SEMA3A: variants seen among roughly 807,000 people sequenced by gnomAD.
SEMA3A encodes semaphorin-3A.
Under a neutral mutation model 97.9 loss-of-function variants are expected in SEMA3A, and 29 were observed. The ratio of observed to expected loss-of-function variants is 0.30; its 90% CI spans 0.22 to 0.40. The LOEUF (loss-of-function observed/expected upper bound fraction) is 0.40, where lower values mean the gene tolerates loss of function less well. SEMA3A is among the 10% of genes least tolerant of loss of function. The pLI, the probability that SEMA3A is intolerant of heterozygous loss-of-function variation, is 1.00. For missense variants in SEMA3A, 763 were observed against 951.3 expected, an observed-to-expected ratio of 0.80 and a Z score of 2.60; for synonymous variants, 321 against 323.7, an observed-to-expected ratio of 0.99 and a Z score of 0.09.
chr7:84,461,831 T>C (rs1290540332), intron 1 of SEMA3A, among the ~76,000 whole-genome samples: 2 of 152,180 alleles, frequency 1.3e-5, no homozygotes, highest in East Asian at 3.8e-4. Context: ...TCTATTCTTC[T>C]CTGAATCTTA....
intron 12 of SEMA3A, among the ~76,000 whole-genome samples, chr7:83,988,322 G>A (rs1479698188): frequency 6.6e-6 from 1 of 151,820 alleles, no homozygotes; most frequent in African/African-American, 2.4e-5. Context: ...TGCCCCTCGG[G>A]TTCATGCCAT....
chr7:84,308,898 A>G (rs1801238090), intron 2 of SEMA3A, among the ~76,000 whole-genome samples: 1 of 150,840 alleles, frequency 6.6e-6, no homozygotes, highest in Non-Finnish European at 1.5e-5. Flanking sequence ...GCTCACTGCA[A>G]TCTCCGCCTC....
At chr7:84,334,887 C>T (rs947038639) in intron 2 of SEMA3A, among the ~76,000 whole-genome samples, 13 of 151,116 alleles carry the variant, frequency 8.6e-5, no homozygotes, top group East Asian at 3.9e-4. Context: ...CTAAGTCCCA[C>T]GCCTCATTTT....
At chr7:84,481,564 A>G in intron 1 of SEMA3A, among the ~76,000 whole-genome samples, 1 of 152,342 alleles carries the variant, frequency 6.6e-6, no homozygotes, top group East Asian at 1.9e-4. Context: ...TGATTTCAAA[A>G]GGAATATGAA....
chr7:84,259,534 A>C lies in SEMA3A; in HGVS notation c.-83+47673T>G, dbSNP rs563142060. On this transcript the variant is annotated intron_variant, in intron 3 of 3. Transcript: ENST00000424555. ...GGAGAAAGGGTTACTTGAATATACA[A>C]CTGAGAAAAAAAGGAAAACATGAAA... 9.2e-5 allele frequency among the ~76,000 whole-genome samples: 14 copies of C among 152,200 alleles called. No homozygotes were observed. The East Asian group carries it at 1.4e-3, about 15-fold the overall frequency.
chr7:84,263,730 G>C (rs1463032649), intron 3 of SEMA3A, among the ~76,000 whole-genome samples: 3 of 152,090 alleles, frequency 2.0e-5, no homozygotes, highest in African/African-American at 7.2e-5. Flanking sequence ...TCAGTTTTTG[G>C]AGTATTTGAA....
At chr7:84,131,442 C>G (rs1584011483) in intron 2 of SEMA3A, among the ~76,000 whole-genome samples, 2 of 152,162 alleles carry the variant, frequency 1.3e-5, no homozygotes, top group East Asian at 3.9e-4. Flanking sequence ...CACTTCCACT[C>G]ATGGCAGGCC....
intron 1 of SEMA3A, among the ~76,000 whole-genome samples, chr7:84,167,258 G>C (rs1192429841): frequency 6.6e-6 from 1 of 152,128 alleles, no homozygotes. Flanking sequence ...GTTGAATAAA[G>C]CTCGAAGTCA....
At chr7:84,008,884 C>G (rs535316936) in intron 9 of SEMA3A, among the ~76,000 whole-genome samples, 1 of 152,230 alleles carries the variant, frequency 6.6e-6, no homozygotes, top group Non-Finnish European at 1.5e-5. Flanking sequence ...TTAGTGCATA[C>G]TTGATACATC....
chr7:84,478,137 T>G (rs1324644761), intron 1 of SEMA3A, among the ~76,000 whole-genome samples: 1 of 152,164 alleles, frequency 6.6e-6, no homozygotes, highest in Non-Finnish European at 1.5e-5. Flanking sequence ...TGCCCTCAGT[T>G]GCTCACACCT....
intron 6 of SEMA3A, among the ~76,000 whole-genome samples, chr7:84,023,562 C>T (rs1020782244): frequency 1.3e-5 from 2 of 152,112 alleles, no homozygotes; most frequent in Non-Finnish European, 2.9e-5. Context: ...AATTTCATAA[C>T]ACGAACCACT....
chr7:84,245,800 G>A (rs1276095020), intron 3 of SEMA3A, among the ~76,000 whole-genome samples: 1 of 152,012 alleles, frequency 6.6e-6, no homozygotes, highest in Non-Finnish European at 1.5e-5. Context: ...ACCCCTGCTG[G>A]GAGGTATCTC....
chr7:83,956,676 C>A lies in SEMA3A; in HGVS notation c.*4695G>T, dbSNP rs1053206033. 1 of 152,056 alleles carries A rather than the reference C, an allele frequency of 6.6e-6. No individual in the cohort carries two copies. Among genetic ancestry groups the A allele is most frequent in the Non-Finnish European group, 1.5e-5 (1 of 67,992 alleles). 9.4% of individuals were successfully genotyped at this position (152,056 alleles called of 1,614,324 possible). Reference sequence around the variant, plus strand: ...CAAAACCCAGGAAAAAGCAAATGCACCATTTTGACTCATAGTAGTGGGACA... The same window carrying A: ...CAAAACCCAGGAAAAAGCAAATGCAACATTTTGACTCATAGTAGTGGGACA... On this transcript the variant is annotated 3_prime_UTR_variant, in exon 17 of 17. Transcript: ENST00000265362.
intron 3 of SEMA3A, among the ~76,000 whole-genome samples, chr7:84,260,023 T>C (rs983371142): frequency 3.9e-5 from 6 of 152,132 alleles, no homozygotes; most frequent in Non-Finnish European, 8.8e-5. Context: ...CAAAGACATT[T>C]TCTCATATAC....
At chr7:84,068,638 C>T (rs1236686503) in intron 4 of SEMA3A, among the ~76,000 whole-genome samples, 1 of 151,952 alleles carries the variant, frequency 6.6e-6, no homozygotes, top group Non-Finnish European at 1.5e-5. Context: ...CTCAATAAGA[C>T]ATTTTACACT....
At chr7:84,253,935 G>C (rs1197120569) in intron 3 of SEMA3A, among the ~76,000 whole-genome samples, 1 of 152,120 alleles carries the variant, frequency 6.6e-6, no homozygotes, top group East Asian at 1.9e-4. Flanking sequence ...TTGGGGTTTG[G>C]CAGAAAGATG....
chr7:84,401,132 A>C (rs1803889964), intron 1 of SEMA3A, among the ~76,000 whole-genome samples: 1 of 152,196 alleles, frequency 6.6e-6, no homozygotes, highest in African/African-American at 2.4e-5. Flanking sequence ...AGATTTCTGC[A>C]AAAAGACTGT....
intron 3 of SEMA3A, among the ~76,000 whole-genome samples, chr7:84,302,633 C>T (rs1296399257): frequency 1.3e-5 from 2 of 151,942 alleles, no homozygotes; most frequent in Admixed American, 6.6e-5. Context: ...ATTGGTAGAA[C>T]GGGGGTCACA....
intron 1 of SEMA3A, among the ~76,000 whole-genome samples, chr7:84,476,358 CAAA>C (rs1207575758): frequency 3.1e-5 from 3 of 97,570 alleles, no homozygotes; most frequent in Admixed American, 1.1e-4. Flanking sequence ...GACTCCATCT[CAAA>C]AAAAAAAAAA....
Sources: allele counts gnomAD v4.1 joint callset (sites outside exome capture counted in the v4.1 genomes callset), GRCh38; gene constraint gnomAD v4.1.1; transcripts MANE v1.5; gene names NCBI Gene and HGNC (gene_info 2026-07-23, HGNC 2026-07-21).